FMNL2: variants seen among roughly 807,000 people sequenced by gnomAD.
FMNL2 encodes the protein formin-like protein 2.
Under a neutral mutation model 130.2 loss-of-function variants are expected in FMNL2, and 51 were observed. That is an observed-to-expected ratio of 0.39 (90% CI 0.31 to 0.49). The LOEUF is 0.49. Among genes scored for constraint, FMNL2 ranks in the 20% least tolerant of loss-of-function variants. The pLI is 0.85. For missense variants in FMNL2, 977 were observed against 1,316.2 expected (o/e 0.74, Z 3.99); for synonymous variants, 465 against 467.1 (o/e 1.00, Z 0.06).
intron 1 of FMNL2, among the ~76,000 whole-genome samples, chr2:152,352,747 GAAGGC>G (rs1682568062): frequency 6.7e-6 from 1 of 150,250 alleles, no homozygotes; most frequent in Admixed American, 6.6e-5. Flanking sequence ...GTTGTCCTCT[GAAGGC>G]TTTCTGAAGG....
chr2:152,381,872 A>G (rs1026845132), intron 1 of FMNL2, among the ~76,000 whole-genome samples: 3 of 151,972 alleles, frequency 2.0e-5, no homozygotes, highest in Admixed American at 6.5e-5. Flanking sequence ...CAGTAGCACA[A>G]TCACGGCTCA....
intron 12 of FMNL2, 113 bp downstream of exon 12, chr2:152,615,113 C>A: frequency 8.9e-7 from 1 of 1,125,728 alleles, no homozygotes; most frequent in Non-Finnish European, 1.3e-6. Context: ...AGGAATAGGC[C>A]ATACCCTGCA....
At chr2:152,603,552 G>A (rs1356658678) in intron 9 of FMNL2, among the ~76,000 whole-genome samples, 1 of 150,612 alleles carries the variant, frequency 6.6e-6, no homozygotes, top group Non-Finnish European at 1.5e-5. Context: ...CTATCTGCCA[G>A]GCTAGTGATG....
chr2:152,409,041 T>C (rs1686148037), intron 1 of FMNL2, among the ~76,000 whole-genome samples: 1 of 152,208 alleles, frequency 6.6e-6, no homozygotes, highest in Non-Finnish European at 1.5e-5. Context: ...GGGTTTGCAA[T>C]TGGCTTCATA....
At chr2:152,559,745 C>T (rs985132984) in intron 5 of FMNL2, among the ~76,000 whole-genome samples, 2 of 152,152 alleles carry the variant, frequency 1.3e-5, no homozygotes, top group Non-Finnish European at 2.9e-5. Context: ...TTTCAGGATG[C>T]CCTCCTCGTC....
chr2:152,456,440 G>A (rs1688961915), intron 1 of FMNL2, among the ~76,000 whole-genome samples: 2 of 152,238 alleles, frequency 1.3e-5, no homozygotes, highest in Admixed American at 6.5e-5. Context: ...GACCTCAAGC[G>A]GTCTTCCTGC....
At chr2:152,639,678 C>T (rs1307400456) in intron 23 of FMNL2, among the ~76,000 whole-genome samples, 1 of 152,098 alleles carries the variant, frequency 6.6e-6, no homozygotes, top group Non-Finnish European at 1.5e-5. Flanking sequence ...AGGTGCCCAC[C>T]AGTGTGTGGG....
At chr2:152,359,153 A>G (rs967815191) in intron 1 of FMNL2, among the ~76,000 whole-genome samples, 1 of 152,226 alleles carries the variant, frequency 6.6e-6, no homozygotes, top group South Asian at 2.1e-4. Flanking sequence ...GTTGCCATCC[A>G]TTTTAAACTT....
chr2:152,643,639 A>G (rs1032923955), intron 25 of FMNL2: 6 of 1,480,200 alleles, frequency 4.1e-6, no homozygotes, highest in African/African-American at 2.8e-5. Context: ...CCATCATGTT[A>G]TATTTTGTGT....
intron 1 of FMNL2, among the ~76,000 whole-genome samples, chr2:152,359,577 G>C (rs952301157): frequency 6.6e-6 from 1 of 150,836 alleles, no homozygotes; most frequent in Admixed American, 6.6e-5. Context: ...TTTTTAAGCT[G>C]GGGCAGTGGT....
At chr2:152,425,861 A>G (rs7600624) in intron 1 of FMNL2, among the ~76,000 whole-genome samples, 32,145 of 152,044 alleles carry the variant, frequency 0.21, 3,729 homozygotes, top group East Asian at 0.37. Context: ...CCCCCATCCC[A>G]TCTCTCTGGT....
chr2:152,371,889 C>T (rs1322623814), intron 1 of FMNL2, among the ~76,000 whole-genome samples: 1 of 152,068 alleles, frequency 6.6e-6, no homozygotes, highest in Non-Finnish European at 1.5e-5. Context: ...CCTCAGGACT[C>T]TGTAGAAAGT....
At chr2:152,402,777 T>A (rs960245161) in intron 1 of FMNL2, among the ~76,000 whole-genome samples, 2 of 152,222 alleles carry the variant, frequency 1.3e-5, no homozygotes, top group Non-Finnish European at 2.9e-5. Flanking sequence ...CCCCCATTAT[T>A]ATCTTAAGTT....
At chr2:152,491,728 A>G (rs1203680079) in intron 1 of FMNL2, among the ~76,000 whole-genome samples, 6 of 152,182 alleles carry the variant, frequency 3.9e-5, no homozygotes, top group Non-Finnish European at 8.8e-5. Context: ...AGGCGAGAGG[A>G]TCACTTAAGG....
intron 1 of FMNL2, among the ~76,000 whole-genome samples, chr2:152,436,012 A>C: frequency 6.7e-6 from 1 of 150,286 alleles, no homozygotes; most frequent in East Asian, 2.0e-4. Flanking sequence ...TATACATAAA[A>C]CATTGTTTAT....
rs530466269 is a variant in FMNL2 at position 152,581,337 on chromosome 2, C to T, written c.876+288C>T. ...TCCAGTTTGAAAACCGGTTTTGTTA[C>T]ATGTATGTGGTTTTCATTGGGGTTG... On this transcript the variant is annotated intron_variant, in intron 9 of 25. Transcript: ENST00000288670. Among the ~76,000 whole-genome samples the T allele has an allele frequency of 1.1e-4, 17 of 152,176 alleles. No homozygotes were observed. In the South Asian group the frequency reaches 3.3e-3, roughly 30 times the overall value.
intron 20 of FMNL2, 28 bp from the exon 21 acceptor site, chr2:152,631,980 C>A (rs373711654): frequency 1.5e-5 from 24 of 1,603,136 alleles, no homozygotes; most frequent in Non-Finnish European, 2.0e-5. Context: ...TACTCTTGTA[C>A]CTAACCCACG....
intron 25 of FMNL2, among the ~76,000 whole-genome samples, chr2:152,642,050 T>C (rs557021451): frequency 1.7e-4 from 26 of 152,140 alleles, no homozygotes; most frequent in South Asian, 6.2e-4. Context: ...ACACCATTCT[T>C]CTGCCTCAGC....
intron 8 of FMNL2, among the ~76,000 whole-genome samples, chr2:152,580,158 T>C (rs778781364): frequency 6.6e-5 from 10 of 152,206 alleles, no homozygotes; most frequent in Non-Finnish European, 8.8e-5. Context: ...AAAAGACAAT[T>C]GACATTGTGG....
Sources: allele counts gnomAD v4.1 joint callset (sites outside exome capture counted in the v4.1 genomes callset), GRCh38; gene constraint gnomAD v4.1.1; transcripts MANE v1.5; gene names NCBI Gene and HGNC (gene_info 2026-07-23, HGNC 2026-07-21).